The following DGKG variants were observed in gnomAD, a reference collection of about 807,000 sequenced individuals.
DGKG encodes the protein DAG kinase gamma.
Under a neutral mutation model 105.3 loss-of-function variants are expected in DGKG, and 78 were observed. The observed-to-expected ratio is 0.74, with a 90% CI of 0.62 to 0.89. The LOEUF is 0.89. DGKG is among the 40% of genes least tolerant of loss of function. The probability of loss-of-function intolerance (pLI) is 0.00; values close to 1 mark genes in which losing one functional copy is unlikely to be tolerated. For missense variants in DGKG, 958 were observed against 1,020.1 expected (o/e 0.94, Z 0.83); for synonymous variants, 346 against 367.1 (o/e 0.94, Z 0.66).
chr3:186,358,674 T>G (rs1187533151), intron 1 of DGKG, among the ~76,000 whole-genome samples: 1 of 152,022 alleles, frequency 6.6e-6, no homozygotes, highest in African/African-American at 2.4e-5. Flanking sequence ...TTTTTTTTAG[T>G]CAGACAAACT....
intron 22 of DGKG, among the ~76,000 whole-genome samples, chr3:186,183,408 A>C (rs1171476565): frequency 6.6e-6 from 1 of 152,230 alleles, no homozygotes; most frequent in East Asian, 1.9e-4. Flanking sequence ...AATGAAATAG[A>C]AATACAAGAG....
chr3:186,341,909 C>T (rs907718882), intron 1 of DGKG, among the ~76,000 whole-genome samples: 12 of 152,098 alleles, frequency 7.9e-5, no homozygotes, highest in African/African-American at 2.7e-4. Flanking sequence ...AGTAAACTAT[C>T]GCAAGAACAA....
At chr3:186,287,443 C>A (rs768759061) in intron 6 of DGKG, among the ~76,000 whole-genome samples, 1 of 152,124 alleles carries the variant, frequency 6.6e-6, no homozygotes, top group East Asian at 1.9e-4. Flanking sequence ...GATGATGGGG[C>A]CACAGATGTT....
chr3:186,255,454 G>A (rs937013159), intron 17 of DGKG, among the ~76,000 whole-genome samples: 4 of 152,242 alleles, frequency 2.6e-5, no homozygotes, highest in African/African-American at 9.6e-5. Context: ...CCCTGAGTAA[G>A]CCACATGTCA....
chr3:186,303,548 C>T (rs1470190134), intron 3 of DGKG, among the ~76,000 whole-genome samples: 2 of 152,204 alleles, frequency 1.3e-5, no homozygotes, highest in African/African-American at 4.8e-5. Flanking sequence ...TGGGGAAGAA[C>T]TGTTACTGTC....
chr3:186,229,572 G>C (rs570062164), intron 20 of DGKG, among the ~76,000 whole-genome samples: 3 of 152,070 alleles, frequency 2.0e-5, no homozygotes, highest in Non-Finnish European at 4.4e-5. Flanking sequence ...AGCTACGAGC[G>C]AATACATTTC....
At position 186,231,435 on chromosome 3, in the gene DGKG, TG is replaced by T. The variant is rs1720148042; in HGVS notation, c.1826+11068del. On this transcript the variant is annotated intron_variant, in intron 20 of 24. Transcript: ENST00000265022. This position sits in a 1 kb window ranked among gnomAD's most constrained non-coding sequence, Gnocchi z 4.5. ...CTCTATGAGCCTCACTTTTCTCATC[TG>T]TAAGATGGATCAATAATACTTACAC... 6.6e-6 allele frequency among the ~76,000 whole-genome samples: 1 copy of T among 152,216 alleles called. No individual in the cohort carries two copies. Among genetic ancestry groups the T allele is most frequent in the Non-Finnish European group, 1.5e-5 (1 of 68,046 alleles).
intron 22 of DGKG, among the ~76,000 whole-genome samples, chr3:186,180,516 C>T (rs1191736672): frequency 3.3e-5 from 5 of 152,044 alleles, no homozygotes; most frequent in African/African-American, 1.2e-4. Flanking sequence ...GAGACCTGGG[C>T]CAGAGAGGAT....
At chr3:186,299,848 T>TCTTTCTTTCCTTC (rs1723833709) in intron 3 of DGKG, among the ~76,000 whole-genome samples, 1 of 147,478 alleles carries the variant, frequency 6.8e-6, no homozygotes. Flanking sequence ...TTTTTTTTTT[T>TCTTTCTTTCCTTC]TTTTGAGATA....
chr3:186,159,323 C>G (rs975061957), intron 24 of DGKG: 2 of 151,744 alleles, frequency 1.3e-5, no homozygotes, highest in Admixed American at 6.6e-5. Context: ...TTAAAATTAT[C>G]TTCTGATTTA....
At chr3:186,234,291 C>T (rs1310887465) in intron 20 of DGKG, among the ~76,000 whole-genome samples, 1 of 152,238 alleles carries the variant, frequency 6.6e-6, no homozygotes, top group Non-Finnish European at 1.5e-5. Flanking sequence ...ATCTAAAGTT[C>T]CAGCACCTTC....
intron 21 of DGKG, among the ~76,000 whole-genome samples, chr3:186,188,644 A>C (rs1439408318): frequency 4.6e-5 from 7 of 152,120 alleles, no homozygotes; most frequent in Admixed American, 2.6e-4. Context: ...CTTTAGGTCT[A>C]GAAGTGCTTT....
In DGKG at chr3:186,193,175, C is replaced by T. The variant is rs112416788; in HGVS notation, c.1918-4796G>A. Reference sequence around the variant, plus strand: ...TGTCCTCCCTCCCTCTTGGAATGCACCTACTTGGAAAGTGAGAGCCAATGT... The same window carrying T: ...TGTCCTCCCTCCCTCTTGGAATGCATCTACTTGGAAAGTGAGAGCCAATGT... On this transcript the variant is annotated intron_variant, in intron 21 of 24. Coordinates refer to ENST00000265022, the MANE Select transcript of DGKG (RefSeq NM_001346.3). Among the ~76,000 whole-genome samples the T allele has an allele frequency of 5.5e-3, 838 of 152,302 alleles. 4 individuals are homozygous for T. Among genetic ancestry groups the T allele is most frequent in the Non-Finnish European group, 9.5e-3 (643 of 68,028 alleles).
At chr3:186,299,362 T>G (rs1723758926) in intron 3 of DGKG, among the ~76,000 whole-genome samples, 1 of 152,214 alleles carries the variant, frequency 6.6e-6, no homozygotes, top group Non-Finnish European at 1.5e-5. Flanking sequence ...TACATGTGTA[T>G]AAACAAGTTT....
At position 186,147,812 on chromosome 3, in the gene DGKG, T is replaced by A. The variant is rs760778144; in HGVS notation, c.*2278A>T. On this transcript the variant is annotated 3_prime_UTR_variant, in exon 25 of 25. Transcript: ENST00000265022. The stretch of plus-strand genomic sequence containing the variant: ...GAATCAGTGACCCCAAACCTGAACC[T>A]GCCTCAGTTTCAGAAACAAGTGGCT... 68 of 985,324 alleles carry A rather than the reference T, an allele frequency of 6.9e-5. No homozygotes were observed. Among genetic ancestry groups the A allele is most frequent in the Non-Finnish European group, 8.2e-5 (68 of 829,934 alleles). The allele number at this position is 985,324 out of a possible 1,614,324, so 61.0% of individuals were successfully genotyped here. A position where few individuals can be genotyped will look rare whatever the true frequency, so the allele number is the denominator to read the frequency against.
intron 20 of DGKG, among the ~76,000 whole-genome samples, chr3:186,229,500 C>G (rs571149722): frequency 6.6e-6 from 1 of 152,324 alleles, no homozygotes; most frequent in South Asian, 2.1e-4. Context: ...CTGCCTCTGC[C>G]TCCCAAAGTG....
At chr3:186,296,245 T>C (rs1723557915) in intron 5 of DGKG, among the ~76,000 whole-genome samples, 1 of 152,208 alleles carries the variant, frequency 6.6e-6, no homozygotes, top group South Asian at 2.1e-4. Context: ...CACTTAACCT[T>C]CATAAGAACA....
chr3:186,327,983 C>A (rs1195696775), intron 1 of DGKG, among the ~76,000 whole-genome samples: 1 of 152,176 alleles, frequency 6.6e-6, no homozygotes, highest in African/African-American at 2.4e-5. Flanking sequence ...CCCATTACCT[C>A]CTGCCCCACA....
rs1718953147 is a variant in DGKG, at chr3:186,210,012, C to T, written c.1917+1783G>A. Among the ~76,000 whole-genome samples, 1 of 152,192 alleles carries T rather than the reference C, an allele frequency of 6.6e-6. No homozygotes were observed. Among genetic ancestry groups the T allele is most frequent in the Non-Finnish European group, 1.5e-5 (1 of 68,042 alleles). ...CCTCCCTCCAGACCAGTGAACAACC[C>T]CACCCCCTCCAGAGGCCACCAGTGT... On this transcript the variant is annotated intron_variant, in intron 21 of 24. Coordinates refer to ENST00000265022, the MANE Select transcript of DGKG (RefSeq NM_001346.3). This position sits in a 1 kb window ranked among gnomAD's most constrained non-coding sequence, Gnocchi z 5.2.
Sources: gnomAD v4.1 joint callset for allele counts (sites outside exome capture counted in the v4.1 genomes callset) on GRCh38, gnomAD v4.1.1 for gene constraint, Gnocchi (gnomAD v3.1) non-coding constraint, MANE v1.5 for transcripts, NCBI Gene and HGNC (gene_info 2026-07-23, HGNC 2026-07-21) for gene names.